RCOR1: variants seen among roughly 807,000 people sequenced by gnomAD.
RCOR1 encodes the protein REST corepressor 1.
A neutral mutation model predicts 64.0 loss-of-function variants in RCOR1; 12 were observed. The ratio of observed to expected loss-of-function variants is 0.19; its 90% confidence interval spans 0.12 to 0.30. The LOEUF (loss-of-function observed/expected upper bound fraction) is 0.30, where lower values mean the gene tolerates loss of function less well. RCOR1 is among the 10% of genes least tolerant of loss of function. The pLI is 1.00. For synonymous variants in RCOR1, 279 were observed against 227.2 expected (o/e 1.23, Z -2.05); for missense variants, 502 against 621.2 (o/e 0.81, Z 2.04).
At chr14:102,629,944 T>TA in intron 2 of RCOR1, 1 of 940,826 alleles carries the variant, frequency 1.1e-6, no homozygotes, top group Non-Finnish European at 1.3e-6. Context: ...ACTTGACTAT[T>TA]ATTACATTAT....
rs2139998576 is a variant in RCOR1 at position 102,726,839 on chromosome 14, C to T, written c.*333C>T. 3.1e-6 allele frequency: 1 copy of T among 320,334 alleles called. No homozygotes were observed. Among genetic ancestry groups the T allele is most frequent in the Middle Eastern group, 8.7e-4 (1 of 1,152 alleles). The allele number at this position is 320,334 out of a possible 1,614,324, so 19.8% of individuals were successfully genotyped here. Reference sequence around the variant, plus strand: ...AATGGCAGCTCTTCCCAGTCAGCAGCTTCAGAGCAGGCAGTCTCCTTGGAA... The same window carrying T: ...AATGGCAGCTCTTCCCAGTCAGCAGTTTCAGAGCAGGCAGTCTCCTTGGAA... On this transcript the variant is annotated 3_prime_UTR_variant, in exon 12 of 12. Coordinates refer to ENST00000262241, the MANE Select transcript of RCOR1 (RefSeq NM_015156.4).
intron 2 of RCOR1, chr14:102,655,627 A>G (rs1027947961): frequency 1.6e-5 from 7 of 429,442 alleles, no homozygotes; most frequent in East Asian, 1.6e-4. Context: ...TCTGTCCCCT[A>G]TCTCCCACTG....
chr14:102,651,312 T>C (rs1024047927), intron 2 of RCOR1, among the ~76,000 whole-genome samples: 6 of 152,090 alleles, frequency 3.9e-5, no homozygotes, highest in African/African-American at 9.7e-5. Context: ...CCCAGCACTT[T>C]AGGAGGCCGA....
At chr14:102,667,366 T>C (rs1210195508) in intron 2 of RCOR1, among the ~76,000 whole-genome samples, 2 of 151,806 alleles carry the variant, frequency 1.3e-5, no homozygotes, top group African/African-American at 4.8e-5. Context: ...CCGGGCGTGG[T>C]GGTGGGTGCC....
Position 102,703,768 on chromosome 14 carries a change from A to C in RCOR1, c.498+2438A>C, listed in dbSNP as rs530371189. ...GCCCATCAAGCCCATGAATAAAAAAAGTTCCTGGGGATGAAGAGACCATTC... is the reference window on the plus strand; with the variant it reads ...GCCCATCAAGCCCATGAATAAAAAACGTTCCTGGGGATGAAGAGACCATTC... On this transcript the variant is annotated intron_variant, in intron 4 of 11. Coordinates refer to ENST00000262241, the MANE Select transcript of RCOR1 (RefSeq NM_015156.4). Among the ~76,000 whole-genome samples the C allele has an allele frequency of 3.9e-5, 6 of 152,350 alleles. No homozygotes were observed. The East Asian group carries it at 1.2e-3, about 29-fold the overall frequency.
chr14:102,705,206 A>G (rs1412009985), intron 4 of RCOR1, among the ~76,000 whole-genome samples: 1 of 152,004 alleles, frequency 6.6e-6, no homozygotes, highest in Non-Finnish European at 1.5e-5. Context: ...AAGGGATAGG[A>G]TTGCATCCTG....
chr14:102,655,174 G>A, intron 2 of RCOR1: 2 of 600,884 alleles, frequency 3.3e-6, no homozygotes, highest in Non-Finnish European at 4.1e-6. Flanking sequence ...GGCAATACAG[G>A]CATATGGTAC....
At chr14:102,701,700 G>A (rs1028927292) in intron 4 of RCOR1, among the ~76,000 whole-genome samples, 1 of 152,184 alleles carries the variant, frequency 6.6e-6, no homozygotes, top group African/African-American at 2.4e-5. Flanking sequence ...CTTACCTAAA[G>A]TGTTTTAATA....
chr14:102,711,027 C>A lies in RCOR1; in HGVS notation c.858+14C>A. On this transcript the variant is annotated intron_variant, in intron 7 of 11. Coordinates refer to ENST00000262241, the MANE Select transcript of RCOR1 (RefSeq NM_015156.4). The stretch of plus-strand genomic sequence containing the variant: ...AGCAAAAAGGAGGTATTTTTTCCCC[C>A]TAGTATTGTTTAGGCGAATAAATTT... The A allele has an allele frequency of 6.4e-7, 1 of 1,550,716 alleles. No homozygotes were observed. Among genetic ancestry groups the A allele is most frequent in the Non-Finnish European group, 8.8e-7 (1 of 1,137,454 alleles).
rs573483240 is a variant in RCOR1, at chr14:102,603,913, T to G, written c.361+10588T>G. Among the ~76,000 whole-genome samples the G allele has an allele frequency of 2.6e-5, 4 of 152,322 alleles. No homozygotes were observed. The South Asian group carries it at 8.3e-4, about 32-fold the overall frequency. The stretch of plus-strand genomic sequence containing the variant: ...ATGGATTTGTGTGAGTTCTTTTTAT[T>G]TATATATTTGGATATTCTTTGTTAG... On this transcript the variant is annotated intron_variant, in intron 2 of 11. Coordinates refer to ENST00000262241, the MANE Select transcript of RCOR1 (RefSeq NM_015156.4).
chr14:102,647,490 G>T (rs1455808780), intron 2 of RCOR1, among the ~76,000 whole-genome samples: 1 of 151,350 alleles, frequency 6.6e-6, no homozygotes, highest in African/African-American at 2.4e-5. Flanking sequence ...CTAATTTTTT[G>T]TATTTTTAGT....
intron 2 of RCOR1, among the ~76,000 whole-genome samples, chr14:102,644,646 C>T (rs888606332): frequency 2.0e-5 from 3 of 152,226 alleles, no homozygotes; most frequent in African/African-American, 7.2e-5. Context: ...GGTGTGGTTC[C>T]TCTAGAGCTG....
rs1358317266 is a variant in RCOR1 at position 102,726,749 on chromosome 14, C to T, written c.*243C>T. 4 of 501,246 alleles carry T rather than the reference C, an allele frequency of 8.0e-6. No individual in the cohort carries two copies. Among genetic ancestry groups the T allele is most frequent in the Non-Finnish European group, 1.4e-5 (4 of 287,800 alleles). 31.0% of individuals were successfully genotyped at this position (501,246 alleles called of 1,614,324 possible). A position where few individuals can be genotyped will look rare whatever the true frequency, so the allele number is the denominator to read the frequency against. On this transcript the variant is annotated 3_prime_UTR_variant, in exon 12 of 12. Coordinates refer to ENST00000262241, the MANE Select transcript of RCOR1 (RefSeq NM_015156.4). ...CTCTGCCCACGTGCTGGGGAAGTCT[C>T]ACGGCCTGCACATCTCTTGTGACTC...
intron 3 of RCOR1, among the ~76,000 whole-genome samples, chr14:102,693,597 C>G (rs769613031): frequency 2.0e-4 from 30 of 151,362 alleles, no homozygotes; most frequent in Non-Finnish European, 3.9e-4. Context: ...AGAGCCTGCC[C>G]TCTCATACTC....
At chr14:102,602,715 C>CT (rs892781784) in intron 2 of RCOR1, among the ~76,000 whole-genome samples, 1 of 152,012 alleles carries the variant, frequency 6.6e-6, no homozygotes, top group African/African-American at 2.4e-5. Flanking sequence ...CCTCTTCTTT[C>CT]TTTTTTTGTA....
intron 2 of RCOR1, among the ~76,000 whole-genome samples, chr14:102,600,292 G>A (rs1261664459): frequency 2.0e-5 from 3 of 149,050 alleles, no homozygotes; most frequent in African/African-American, 7.4e-5. Context: ...TTTCACCGTG[G>A]TCTTGATCTC....
rs1463939978 is a variant in RCOR1, at chr14:102,592,661, G to C, written c.-226G>C. On this transcript the variant is annotated 5_prime_UTR_variant, in exon 1 of 12. Transcript: ENST00000262241. Reference sequence around the variant, plus strand: ...TCCCGGAGTAGTTGGTGCCAGTGAAGTGAGGGCGGCGATGAGAGCGAAAGT... The same window carrying C: ...TCCCGGAGTAGTTGGTGCCAGTGAACTGAGGGCGGCGATGAGAGCGAAAGT... 2 of 1,226,232 alleles carry C rather than the reference G, an allele frequency of 1.6e-6. No homozygotes were observed. The highest frequency in any genetic ancestry group is 3.2e-5 in the East Asian group (1 of 31,416). 76.0% of individuals were successfully genotyped at this position (1,226,232 alleles called of 1,614,324 possible).
intron 2 of RCOR1, among the ~76,000 whole-genome samples, chr14:102,601,734 C>A (rs566439577): frequency 5.5e-4 from 83 of 152,262 alleles, no homozygotes; most frequent in Non-Finnish European, 1.0e-3. Context: ...CTGGGAGCAG[C>A]CTAGAGTAGC....
At chr14:102,681,352 C>T (rs562180192) in intron 2 of RCOR1, among the ~76,000 whole-genome samples, 6 of 152,288 alleles carry the variant, frequency 3.9e-5, no homozygotes, top group African/African-American at 1.2e-4. Context: ...CAGCCGCTTG[C>T]GGTTAATTCA....
Sources: allele counts gnomAD v4.1 joint callset (sites outside exome capture counted in the v4.1 genomes callset), GRCh38; gene constraint gnomAD v4.1.1; transcripts MANE v1.5; gene names NCBI Gene and HGNC (gene_info 2026-07-23, HGNC 2026-07-21).